CELA3B: variants seen among roughly 807,000 people sequenced by gnomAD.
CELA3B encodes the protein chymotrypsin-like elastase family member 3B.
In CELA3B, 34 loss-of-function variants were observed where a neutral mutation model predicts 37.2. That is an observed-to-expected ratio of 0.91 (90% CI 0.70 to 1.22). The LOEUF (loss-of-function observed/expected upper bound fraction) is 1.22, where lower values mean the gene tolerates loss of function less well. Ranked by LOEUF, CELA3B falls within the 50% of genes most tolerant of loss-of-function variation. The pLI, the probability that CELA3B is intolerant of heterozygous loss-of-function variation, is 0.00. For synonymous variants in CELA3B, 127 were observed against 143.5 expected, an observed-to-expected ratio of 0.89 and a Z score of 0.82; for missense variants, 340 against 363.1, an observed-to-expected ratio of 0.94 and a Z score of 0.52.
At chr1:21,996,152 G>C (rs1442364001) in intron 4 of CELA3B, among the ~76,000 whole-genome samples, 1 of 151,258 alleles carries the variant, frequency 6.6e-6, no homozygotes, top group Non-Finnish European at 1.5e-5. Flanking sequence ...GGTGGAGGCT[G>C]CAGTGAGCCG....
chr1:21,984,146 C>A, intron 5 of CELA3B, 43 bp from the exon 6 acceptor site: 1 of 1,594,464 alleles, frequency 6.3e-7, no homozygotes. Context: ...GCTCCTAGCC[C>A]TGTGCCCCCA....
Position 21,984,189 on chromosome 1 carries a change from C to A in CELA3B, c.500C>A (p.Thr167Asn). ...CYITGWGRLY[T>N]NGPLPDKLQE... is the part of the protein sequence containing the mutation. ...GACTCGGTGCTTTTTATCGCTGCAG[C>A]CAACGGGCCACTCCCAGACAAGCTG... Residue 167 changes from threonine (T) to asparagine (N), a missense_variant and splice_region_variant, in exon 6 of 8, where the codon ACC becomes AAC. Physicochemically the swap from Thr to Asn is moderately conservative, Grantham distance 65 (BLOSUM62 0). Coordinates refer to ENST00000337107, the MANE Select transcript of CELA3B (RefSeq NM_007352.4). The A allele has an allele frequency of 1.9e-6, 3 of 1,612,482 alleles. No homozygotes were observed. The highest frequency in any genetic ancestry group is 2.5e-6 in the Non-Finnish European group (3 of 1,179,138).
At chr1:21,981,422 G>A (rs12061251) in intron 4 of CELA3B, among the ~76,000 whole-genome samples, 7,823 of 151,398 alleles carry the variant, frequency 0.052, 481 homozygotes, top group African/African-American at 0.15. Flanking sequence ...CTCTGCCAAG[G>A]CCACTTGGCT....
intron 2 of CELA3B, 64 bp downstream of exon 2, chr1:21,978,518 C>A: frequency 2.5e-6 from 4 of 1,576,016 alleles, no homozygotes; most frequent in Non-Finnish European, 3.5e-6. Flanking sequence ...TCTAATGGCG[C>A]GGCATCCAGC....
At position 21,996,030 on chromosome 1, in the gene CELA3B, A is replaced by G. The variant is rs577491966; in HGVS notation, c.505-2121A>G. On this transcript the variant is annotated intron_variant, in intron 4 of 4. Transcript: ENST00000400277. ...GGAGTTCGAGACCAACCTGACCAACATGGCAAAATGAGGTCTCTACACAAA... is the reference window on the plus strand; with the variant it reads ...GGAGTTCGAGACCAACCTGACCAACGTGGCAAAATGAGGTCTCTACACAAA... 1.6e-3 allele frequency among the ~76,000 whole-genome samples: 235 copies of G among 150,716 alleles called. 5 individuals carry two copies. Among genetic ancestry groups the G allele is most frequent in the Middle Eastern group, 3.4e-3 (1 of 294 alleles).
chr1:21,995,144 C>CTTTTTTTTTTTTT (rs764836069), intron 4 of CELA3B, among the ~76,000 whole-genome samples: 1 of 84,948 alleles, frequency 1.2e-5, no homozygotes, highest in African/African-American at 6.7e-5. Flanking sequence ...TCTTTTCTTT[C>CTTTTTTTTTTTTT]TTTTTTTTTT....
In CELA3B at chr1:21,995,264, A is replaced by G. The variant is rs546916762; in HGVS notation, c.505-2887A>G. On this transcript the variant is annotated intron_variant, in intron 4 of 4. Transcript: ENST00000400277. The stretch of plus-strand genomic sequence containing the variant: ...AGCAATTCTGCAGCCTCAGCCTCCC[A>G]AGAAGCTGGGACTACAGGTGTGTAC... 1.8e-4 allele frequency among the ~76,000 whole-genome samples: 27 copies of G among 148,718 alleles called. No homozygotes were observed. In the Admixed American group the frequency reaches 1.8e-3, roughly 10 times the overall value.
At chr1:21,992,372 C>A (rs200809376), downstream of CELA3B, among the ~76,000 whole-genome samples, 84 of 151,898 alleles carry the variant, frequency 5.5e-4, 1 homozygote, top group African/African-American at 1.6e-3. Flanking sequence ...CCACTGCACT[C>A]CAGCCTGGAC....
chr1:21,977,186 A>G lies in CELA3B; in HGVS notation c.43+104A>G, dbSNP rs886669498. The G allele has an allele frequency of 1.0e-5, 16 of 1,540,054 alleles. No homozygotes were observed. In the African/African-American group the frequency reaches 2.0e-4, roughly 20 times the overall value. On this transcript the variant is annotated intron_variant, in intron 1 of 7. Transcript: ENST00000337107. ...CCCATGACACCCTATGCCTGGTTCC[A>G]CAGGAGGGGGTCTCAGCTTGTACCC...
downstream of CELA3B, among the ~76,000 whole-genome samples, chr1:21,990,668 G>GGGT (rs1307027546): frequency 5.2e-4 from 5 of 9,634 alleles, no homozygotes; most frequent in East Asian, 7.4e-3. Context: ...AGGCCAGGGT[G>GGGT]GGTGGATCAC....
At chr1:21,987,520 G>A in intron 7 of CELA3B, 1 of 139,044 alleles carries the variant, frequency 7.2e-6, no homozygotes, top group East Asian at 2.4e-4. Flanking sequence ...CCAGCTACTT[G>A]GGAGGCTGAG....
chr1:21,989,605 G>C (rs1159260618), downstream of CELA3B, among the ~76,000 whole-genome samples: 1 of 148,730 alleles, frequency 6.7e-6, no homozygotes, highest in African/African-American at 2.5e-5. Context: ...GGACAAGTTG[G>C]TCGCCTTAGT....
At chr1:21,996,897 A>G (rs1366108185) in intron 4 of CELA3B, among the ~76,000 whole-genome samples, 1 of 151,248 alleles carries the variant, frequency 6.6e-6, no homozygotes, top group Non-Finnish European at 1.5e-5. Context: ...CCCATCCCTG[A>G]CACTGCTGAC....
chr1:21,983,148 T>C (rs1408694238), intron 4 of CELA3B, among the ~76,000 whole-genome samples: 2 of 152,016 alleles, frequency 1.3e-5, no homozygotes, highest in Non-Finnish European at 2.9e-5. Flanking sequence ...TCAGGAGTTC[T>C]AGACCAGCCT....
chr1:21,986,756 G>A (rs535884453), intron 7 of CELA3B, 73 bp downstream of exon 7: 39 of 1,510,340 alleles, frequency 2.6e-5, no homozygotes, highest in East Asian at 6.9e-5. Flanking sequence ...GAGAAACATC[G>A]GATCCTGGGG....
chr1:21,996,106 G>T (rs1032411845), intron 4 of CELA3B, among the ~76,000 whole-genome samples: 13 of 151,356 alleles, frequency 8.6e-5, no homozygotes, highest in African/African-American at 3.2e-4. Context: ...CCAGCTACTG[G>T]GGAGGCTGAG....
chr1:21,978,907 C>T (rs927634360), intron 2 of CELA3B, among the ~76,000 whole-genome samples: 2 of 151,508 alleles, frequency 1.3e-5, no homozygotes, highest in South Asian at 2.1e-4. Flanking sequence ...TTAGGCCGGG[C>T]ACGGTGGCTC....
chr1:21,986,765 G>T (rs1644841182), intron 7 of CELA3B, 82 bp downstream of exon 7: 10 of 1,481,184 alleles, frequency 6.8e-6, no homozygotes, highest in Non-Finnish European at 9.1e-6. Flanking sequence ...CGGATCCTGG[G>T]GAGGGCCTGA....
At chr1:21,977,113 G>C in intron 1 of CELA3B, 31 bp downstream of exon 1, 1 of 1,613,954 alleles carries the variant, frequency 6.2e-7, no homozygotes, top group South Asian at 1.1e-5. Context: ...TGTGCTCCCT[G>C]GGCTGCCCTA....
Sources: allele counts gnomAD v4.1 joint callset (sites outside exome capture counted in the v4.1 genomes callset), GRCh38; gene constraint gnomAD v4.1.1; transcripts MANE v1.5; gene names NCBI Gene and HGNC (gene_info 2026-07-23, HGNC 2026-07-21).